PHYHIP: variants seen among roughly 807,000 people sequenced by gnomAD.
PHYHIP encodes the protein phytanoyl-CoA 2-hydroxylase interacting protein.
In PHYHIP, 7 loss-of-function variants were observed where a neutral mutation model predicts 26.1. The observed-to-expected ratio is 0.27, with a 90% CI of 0.15 to 0.50. PHYHIP has a LOEUF of 0.50. Among genes scored for constraint, PHYHIP ranks in the 20% least tolerant of loss-of-function variants. The pLI is 0.98. For missense variants in PHYHIP, 232 were observed against 454.7 expected, an observed-to-expected ratio of 0.51 and a Z score of 4.45; for synonymous variants, 206 against 183.4, an observed-to-expected ratio of 1.12 and a Z score of -1.00.
intron 1 of PHYHIP, among the ~76,000 whole-genome samples, chr8:22,230,107 G>A (rs575421159): frequency 5.3e-4 from 81 of 152,284 alleles, no homozygotes; most frequent in African/African-American, 1.9e-3. Flanking sequence ...TAATAAACCA[G>A]TTTGTAATTC....
rs1359913312 is a variant in PHYHIP at position 22,226,884 on chromosome 8, C to T, written c.307G>A (p.Gly103Ser). 37 of 1,613,880 alleles carry T rather than the reference C, an allele frequency of 2.3e-5. No homozygotes were observed. Among genetic ancestry groups the T allele is most frequent in the Non-Finnish European group, 3.0e-5 (35 of 1,179,954 alleles). The change falls in exon 3 of 5, where the codon GGC becomes AGC. Residue 103 changes from glycine to serine, a missense_variant. Transcript: ENST00000454243. ...KQSDGEYLVS[G>S]WSETVEFCTG... ...CAGAACTCCACCGTCTCGCTCCAGC[C>T]GGACACCAGGTACTCCCCATCGCTC...
At chr8:22,222,234 C>T (rs1386577432) in intron 4 of PHYHIP, among the ~76,000 whole-genome samples, 1 of 152,048 alleles carries the variant, frequency 6.6e-6, no homozygotes, top group Non-Finnish European at 1.5e-5. Context: ...ATCCACTTAC[C>T]CACCCCCTGC....
In PHYHIP at chr8:22,221,541, C is replaced by T. The variant is rs756175019; in HGVS notation, c.805G>A (p.Val269Met). The T allele has an allele frequency of 1.4e-5, 22 of 1,613,992 alleles. No homozygotes were observed. The highest frequency in any genetic ancestry group is 2.2e-5 in the East Asian group (1 of 44,888). The change falls in exon 5 of 5, where the codon GTG becomes ATG. Residue 269 changes from valine (V) to methionine (M), a missense_variant. Coordinates refer to ENST00000454243, the MANE Select transcript of PHYHIP (RefSeq NM_014759.5). This position sits in a 1 kb window ranked among gnomAD's most constrained non-coding sequence, Gnocchi z 7.9. ...IACNKFLTCS[V>M]EDGELVFRHA... ...CGGAAGACCAGCTCCCCATCCTCCA[C>T]GCTGCAGGTCAGGAACTTGTTGCAA... is the stretch of plus-strand genomic sequence containing the variant.
chr8:22,220,961 G>C lies in PHYHIP; in HGVS notation c.*392C>G, dbSNP rs1829608104. On this transcript the variant is annotated 3_prime_UTR_variant, in exon 5 of 5. Transcript: ENST00000454243. The stretch of plus-strand genomic sequence containing the variant: ...CCCACAGCTCTCTGCATCTCTTCTG[G>C]AGGCAGCCAAGCTACCCATGGGCTT... 5.1e-6 allele frequency: 1 copy of C among 196,216 alleles called. No homozygotes were observed. The highest frequency in any genetic ancestry group is 5.2e-5 in the Admixed American group (1 of 19,082). The allele number at this position is 196,216 out of a possible 1,614,324, so 12.2% of individuals were successfully genotyped here. A position where few individuals can be genotyped will look rare whatever the true frequency, so the allele number is the denominator to read the frequency against.
In PHYHIP at chr8:22,221,221, G is replaced by A. The variant is rs535196258; in HGVS notation, c.*132C>T. On this transcript the variant is annotated 3_prime_UTR_variant, in exon 5 of 5. Transcript: ENST00000454243. The surrounding 1 kb of genome is among the most constrained non-coding windows in gnomAD (Gnocchi z 7.9). ...CGTCTGTTGCCTCCAATGCCAAGGGGCGAGGGGAGGGCAGCTGGGCAGAGT... is the reference window on the plus strand; with the variant it reads ...CGTCTGTTGCCTCCAATGCCAAGGGACGAGGGGAGGGCAGCTGGGCAGAGT... The A allele has an allele frequency of 1.1e-4, 94 of 854,888 alleles. 2 individuals are homozygous for A. The South Asian group carries it at 1.6e-3, about 14-fold the overall frequency. The allele number at this position is 854,888 out of a possible 1,614,324, so 53.0% of individuals were successfully genotyped here. A position where few individuals can be genotyped will look rare whatever the true frequency, so the allele number is the denominator to read the frequency against.
intron 3 of PHYHIP, among the ~76,000 whole-genome samples, chr8:22,224,668 C>G (rs1829705846): frequency 6.6e-6 from 1 of 152,160 alleles, no homozygotes; most frequent in South Asian, 2.1e-4. Flanking sequence ...CCCAGGCCAT[C>G]CTCATGTGAA....
chr8:22,223,945 TG>T (rs1829688882), intron 4 of PHYHIP: 1 of 349,706 alleles, frequency 2.9e-6, no homozygotes. Context: ...TGAAAGGAAC[TG>T]TCCCAGAGTG....
intron 3 of PHYHIP, among the ~76,000 whole-genome samples, chr8:22,224,914 G>A (rs1829711991): frequency 6.6e-6 from 1 of 152,178 alleles, no homozygotes; most frequent in African/African-American, 2.4e-5. Flanking sequence ...AACAGGGAAG[G>A]CTGGAAACAG....
chr8:22,223,450 C>T (rs985496385), intron 4 of PHYHIP, among the ~76,000 whole-genome samples: 2 of 151,856 alleles, frequency 1.3e-5, no homozygotes, highest in African/African-American at 4.8e-5. Flanking sequence ...CCAGCAGGCC[C>T]GGGGATGGTG....
chr8:22,228,460 C>G, intron 1 of PHYHIP, 74 bp from the exon 2 acceptor site: 1 of 812,202 alleles, frequency 1.2e-6, no homozygotes, highest in Non-Finnish European at 2.0e-6. Flanking sequence ...TCCCAATATC[C>G]CTTTCGAGGC....
At chr8:22,222,393 C>T (rs1451147645) in intron 4 of PHYHIP, among the ~76,000 whole-genome samples, 1 of 152,184 alleles carries the variant, frequency 6.6e-6, no homozygotes, top group Non-Finnish European at 1.5e-5. Flanking sequence ...TAAAACCTCC[C>T]AGGAACAGCA....
rs903395926 is a variant in PHYHIP, at chr8:22,227,037, G to A, written c.166-12C>T. 2 of 1,598,236 alleles carry A rather than the reference G, an allele frequency of 1.3e-6. No individual in the cohort carries two copies. Among genetic ancestry groups the A allele is most frequent in the African/African-American group, 1.3e-5 (1 of 74,594 alleles). On this transcript the variant is annotated splice_polypyrimidine_tract_variant and intron_variant, in intron 2 of 4. Transcript: ENST00000454243. ...TTGGTGGGGACGTCCTGAGAAACAG[G>A]GTACAAACAGAGAGCCAGGCGTCAA...
chr8:22,224,754 G>A (rs1005777142), intron 3 of PHYHIP, among the ~76,000 whole-genome samples: 4 of 152,170 alleles, frequency 2.6e-5, no homozygotes, highest in East Asian at 3.8e-4. Flanking sequence ...CTCAAATACA[G>A]TAGATAGGAG....
chr8:22,228,432 C>T, intron 1 of PHYHIP, 46 bp from the exon 2 acceptor site: 1 of 1,189,348 alleles, frequency 8.4e-7, no homozygotes, highest in Admixed American at 2.2e-5. Flanking sequence ...CCCCGGCGAG[C>T]TTTCTGGAAT....
chr8:22,222,219 A>G (rs1157717200), intron 4 of PHYHIP, among the ~76,000 whole-genome samples: 2 of 151,082 alleles, frequency 1.3e-5, no homozygotes, highest in Non-Finnish European at 3.0e-5. Context: ...ACCTCCTGCC[A>G]CCCCATCCAC....
chr8:22,224,837 A>G (rs1307022951), intron 3 of PHYHIP, among the ~76,000 whole-genome samples: 1 of 152,188 alleles, frequency 6.6e-6, no homozygotes, highest in Non-Finnish European at 1.5e-5. Flanking sequence ...GGGAGAACTG[A>G]GCCCAGGCAA....
chr8:22,222,723 T>C (rs79903194), intron 4 of PHYHIP, among the ~76,000 whole-genome samples: 9,530 of 152,274 alleles, frequency 0.063, 381 homozygotes, highest in Admixed American at 0.095. Context: ...ATGAGTGCTC[T>C]CTATCTCTCC....
Position 22,224,322 on chromosome 8 carries a change from G to T in PHYHIP, c.362C>A (p.Ala121Asp). Residue 121 changes from alanine to aspartate, a missense_variant, in exon 4 of 5, where the codon GCT becomes GAT. Transcript: ENST00000454243. Reference protein sequence around the residue: ...CTGDYAKEHLAQLQEKAEQIA... With the variant: ...CTGDYAKEHLDQLQEKAEQIA... Reference sequence around the variant, plus strand: ...CTGCTCAGCTTTCTCCTGAAGCTGAGCCAGGTGCTCCTTGGCATAATCTGC... The same window carrying T: ...CTGCTCAGCTTTCTCCTGAAGCTGATCCAGGTGCTCCTTGGCATAATCTGC... 1.2e-6 allele frequency: 2 copies of T among 1,608,516 alleles called. No homozygotes were observed. Among genetic ancestry groups the T allele is most frequent in the Non-Finnish European group, 1.7e-6 (2 of 1,175,830 alleles).
chr8:22,221,637 G>A lies in PHYHIP; in HGVS notation c.709C>T (p.Leu237=). The change falls in exon 5 of 5, where the codon CTG becomes TTG. Residue 237 remains leucine (L), a synonymous_variant. Transcript: ENST00000454243. This position sits in a 1 kb window ranked among gnomAD's most constrained non-coding sequence, Gnocchi z 7.9. ...AGGGAGCCTTTGGGCGCCAGCACCA[G>A]GATGGCGTAGTGGTAGGCCGTGTAC... ...CMYTAYHYAI[L]VLAPKGSLGD... 2 of 1,613,520 alleles carry A rather than the reference G, an allele frequency of 1.2e-6. No homozygotes were observed. Among genetic ancestry groups the A allele is most frequent in the Non-Finnish European group, 1.7e-6 (2 of 1,179,832 alleles).
Sources: gnomAD v4.1 joint callset for allele counts (sites outside exome capture counted in the v4.1 genomes callset) on GRCh38, gnomAD v4.1.1 for gene constraint, Gnocchi (gnomAD v3.1) non-coding constraint, MANE v1.5 for transcripts, NCBI Gene and HGNC (gene_info 2026-07-23, HGNC 2026-07-21) for gene names.